Variants in NBAS observed in about 807,000 individuals in gnomAD.
NBAS encodes NAG/BC035112 fusion.
Under a neutral mutation model 302.5 loss-of-function variants are expected in NBAS, and 219 were observed. The ratio of observed to expected loss-of-function variants is 0.72; its 90% confidence interval spans 0.65 to 0.81. The LOEUF is 0.81. Among genes scored for constraint, NBAS ranks in the 30% least tolerant of loss-of-function variants. The pLI, the probability that NBAS is intolerant of heterozygous loss-of-function variation, is 0.00. For missense variants in NBAS, 2,932 were observed against 2,841.6 expected (o/e 1.03, Z -0.72); for synonymous variants, 1,118 against 1,021.6 (o/e 1.09, Z -1.80).
intron 6 of NBAS, among the ~76,000 whole-genome samples, chr2:15,551,106 C>A (rs1046169829): frequency 5.9e-5 from 9 of 152,118 alleles, no homozygotes; most frequent in African/African-American, 2.2e-4. Flanking sequence ...AGCACATACA[C>A]GTAAATTACA....
the NBAS span, among the ~76,000 whole-genome samples, chr2:15,044,335 A>G: frequency 6.6e-6 from 1 of 152,244 alleles, no homozygotes; most frequent in Non-Finnish European, 1.5e-5. Context: ...AGCTGACTTG[A>G]CAATGAACTC....
At chr2:15,057,759 T>G in the NBAS span, among the ~76,000 whole-genome samples, 2 of 152,234 alleles carry the variant, frequency 1.3e-5, no homozygotes, top group African/African-American at 4.8e-5. Flanking sequence ...TGTTAATTAT[T>G]CCTTTTTATG....
intron 9 of NBAS, among the ~76,000 whole-genome samples, chr2:15,517,699 G>A (rs894103028): frequency 1.3e-5 from 2 of 152,124 alleles, no homozygotes; most frequent in Non-Finnish European, 2.9e-5. Context: ...TGAAAAAAGG[G>A]TGTTTTATAC....
chr2:15,273,827 G>C (rs1414011563), intron 44 of NBAS, among the ~76,000 whole-genome samples: 1 of 151,948 alleles, frequency 6.6e-6, no homozygotes, highest in Admixed American at 6.6e-5. Flanking sequence ...TGTAATCCCA[G>C]CACTTTGGGA....
chr2:15,489,553 G>T (rs1446629590), intron 11 of NBAS, among the ~76,000 whole-genome samples: 1 of 152,058 alleles, frequency 6.6e-6, no homozygotes, highest in Non-Finnish European at 1.5e-5. Flanking sequence ...GGAAGAAAAT[G>T]GTCCTTAATT....
intron 40 of NBAS, among the ~76,000 whole-genome samples, chr2:15,293,004 C>T (rs1172266850): frequency 1.3e-5 from 2 of 152,124 alleles, no homozygotes; most frequent in South Asian, 2.1e-4. Flanking sequence ...TGAACTCTTG[C>T]TCTGTTATTC....
chr2:14,981,601 T>G, the NBAS span, among the ~76,000 whole-genome samples: 1 of 152,202 alleles, frequency 6.6e-6, no homozygotes, highest in African/African-American at 2.4e-5. Flanking sequence ...CCTCTTTGTA[T>G]CTGGGCTTGG....
the NBAS span, among the ~76,000 whole-genome samples, chr2:15,099,978 T>A: frequency 3.1e-3 from 467 of 152,290 alleles, 3 homozygotes; most frequent in African/African-American, 0.011. Context: ...GTAGTACCAA[T>A]GTTTTGCCAG....
the NBAS span, among the ~76,000 whole-genome samples, chr2:14,862,266 G>A: frequency 3.3e-5 from 5 of 151,606 alleles, no homozygotes; most frequent in Non-Finnish European, 7.4e-5. Context: ...AGCCTCCCAC[G>A]TACCAACACA....
chr2:15,301,299 T>C (rs894806527), intron 40 of NBAS, among the ~76,000 whole-genome samples: 2 of 152,242 alleles, frequency 1.3e-5, no homozygotes. Context: ...TTCTGAGTTG[T>C]ATCTTCTATA....
the NBAS span, among the ~76,000 whole-genome samples, chr2:14,860,761 G>A: frequency 1.6e-3 from 245 of 152,246 alleles, no homozygotes; most frequent in African/African-American, 5.6e-3. Context: ...GAAGTAAGAC[G>A]TGGTGTTTGA....
the NBAS span, among the ~76,000 whole-genome samples, chr2:15,159,803 G>GCGCA: frequency 6.8e-6 from 1 of 147,322 alleles, no homozygotes; most frequent in African/African-American, 2.5e-5. Flanking sequence ...ACACACGCGT[G>GCGCA]CACACACACA....
In NBAS at chr2:15,467,657, C is replaced by T. The variant is rs1679780681; in HGVS notation, c.2018+7G>A. Reference sequence around the variant, plus strand: ...AACTATCAAATGAACAGTAACAACTCATTTACTTGGAAAAGTTCACTAATT... The same window carrying T: ...AACTATCAAATGAACAGTAACAACTTATTTACTTGGAAAAGTTCACTAATT... On this transcript the variant is annotated splice_region_variant and intron_variant, in intron 18 of 51. Coordinates refer to ENST00000281513, the MANE Select transcript of NBAS (RefSeq NM_015909.4). 3 of 1,610,572 alleles carry T rather than the reference C, an allele frequency of 1.9e-6. No homozygotes were observed. The Admixed American group carries it at 5.0e-5, about 27-fold the overall frequency.
chr2:14,919,602 C>G, the NBAS span, among the ~76,000 whole-genome samples: 1 of 152,202 alleles, frequency 6.6e-6, no homozygotes, highest in South Asian at 2.1e-4. Flanking sequence ...AAATTGAAGT[C>G]AGTCCTCTCA....
At chr2:15,466,876 G>A (rs1164231413) in intron 19 of NBAS, among the ~76,000 whole-genome samples, 1 of 150,530 alleles carries the variant, frequency 6.6e-6, no homozygotes, top group Non-Finnish European at 1.5e-5. Context: ...GGCAGAGGTT[G>A]CAGTGAGCTG....
At chr2:15,437,196 G>C (rs1678066467) in intron 21 of NBAS, among the ~76,000 whole-genome samples, 1 of 151,766 alleles carries the variant, frequency 6.6e-6, no homozygotes, top group Non-Finnish European at 1.5e-5. Flanking sequence ...AAGAGATGTG[G>C]AATTTAGCTG....
chr2:15,554,796 A>C (rs1213890148), intron 3 of NBAS, among the ~76,000 whole-genome samples: 1 of 151,804 alleles, frequency 6.6e-6, no homozygotes, highest in Non-Finnish European at 1.5e-5. Flanking sequence ...TCTGTGGAGG[A>C]TAAGAATAAA....
chr2:15,314,170 A>T (rs1052492189), intron 38 of NBAS, among the ~76,000 whole-genome samples: 1 of 152,196 alleles, frequency 6.6e-6, no homozygotes, highest in African/African-American at 2.4e-5. Context: ...CCTGGTCAAG[A>T]TGGTGAAACC....
chr2:14,791,114 C>T, the NBAS span, among the ~76,000 whole-genome samples: 1 of 152,084 alleles, frequency 6.6e-6, no homozygotes, highest in African/African-American at 2.4e-5. Context: ...CTTGGCCTCC[C>T]AAAGTGCTGG....
Sources: gnomAD v4.1 joint callset for allele counts (sites outside exome capture counted in the v4.1 genomes callset) on GRCh38, gnomAD v4.1.1 for gene constraint, MANE v1.5 for transcripts, NCBI Gene and HGNC (gene_info 2026-07-23, HGNC 2026-07-21) for gene names.